The following PALLD variants were observed in gnomAD, a reference collection of about 807,000 sequenced individuals.
PALLD encodes palladin, cytoskeletal associated protein.
PALLD carries 61 observed loss-of-function variants against 123.5 expected under a neutral mutation model. That is an observed-to-expected ratio of 0.49 (90% CI 0.40 to 0.61). PALLD has a LOEUF of 0.61. PALLD is among the 20% of genes least tolerant of loss of function. The probability of loss-of-function intolerance (pLI) is 0.00; values close to 1 mark genes in which losing one functional copy is unlikely to be tolerated. For synonymous variants in PALLD, 465 were observed against 496.4 expected (o/e 0.94, Z 0.84); for missense variants, 1,273 against 1,377.0 (o/e 0.92, Z 1.20).
At chr4:168,600,919 A>G (rs1395181010) in intron 2 of PALLD, among the ~76,000 whole-genome samples, 1 of 152,170 alleles carries the variant, frequency 6.6e-6, no homozygotes, top group Non-Finnish European at 1.5e-5. Context: ...GACGGCTGTG[A>G]TATCTATGGT....
intron 10 of PALLD, among the ~76,000 whole-genome samples, chr4:168,752,486 A>G (rs1185233172): frequency 6.6e-6 from 1 of 152,248 alleles, no homozygotes; most frequent in East Asian, 1.9e-4. Context: ...TTGCTTTTCC[A>G]TAGAATAGAG....
At chr4:168,887,338 T>G (rs1290886825) in intron 10 of PALLD, among the ~76,000 whole-genome samples, 1 of 152,132 alleles carries the variant, frequency 6.6e-6, no homozygotes, top group Non-Finnish European at 1.5e-5. Flanking sequence ...TATTCTACAG[T>G]GAATAGACAG....
At chr4:168,910,447 T>C (rs193006520) in intron 15 of PALLD, among the ~76,000 whole-genome samples, 32 of 152,260 alleles carry the variant, frequency 2.1e-4, no homozygotes, top group Admixed American at 9.8e-4. Flanking sequence ...CAAAGGTATT[T>C]TGTTTTTCCT....
intron 10 of PALLD, among the ~76,000 whole-genome samples, chr4:168,836,583 A>G (rs1197831821): frequency 2.0e-5 from 3 of 152,236 alleles, no homozygotes; most frequent in Non-Finnish European, 2.9e-5. Flanking sequence ...GTTCTCACAA[A>G]ATTGTGTGAG....
At chr4:168,642,120 A>T (rs1247928657) in intron 2 of PALLD, among the ~76,000 whole-genome samples, 5 of 152,312 alleles carry the variant, frequency 3.3e-5, no homozygotes, top group Non-Finnish European at 1.5e-5. Flanking sequence ...TCCTTGGATT[A>T]CAAACATAGC....
Position 168,502,872 on chromosome 4 carries a change from C to T in PALLD, c.-83+5678C>T, listed in dbSNP as rs532867512. Among the ~76,000 whole-genome samples, 23 of 152,256 alleles carry T rather than the reference C, an allele frequency of 1.5e-4. No homozygotes were observed. In the South Asian group the frequency reaches 4.4e-3, roughly 29 times the overall value. ...TGAGCTATGATCATGCCATTGCAGT[C>T]CAGGCCGGGAGACAGAATGAGACCC... On this transcript the variant is annotated intron_variant, in intron 1 of 21. Coordinates refer to ENST00000505667, the MANE Select transcript of PALLD (RefSeq NM_001166108.2).
intron 15 of PALLD, among the ~76,000 whole-genome samples, chr4:168,913,136 CTTTT>C (rs33986728): frequency 1.2e-4 from 14 of 119,004 alleles, no homozygotes; most frequent in Non-Finnish European, 2.2e-4. Context: ...ATGCCACTAA[CTTTT>C]TTTTTTTTTT....
At chr4:168,821,366 A>T (rs1259939631) in intron 10 of PALLD, among the ~76,000 whole-genome samples, 1 of 152,148 alleles carries the variant, frequency 6.6e-6, no homozygotes, top group African/African-American at 2.4e-5. Flanking sequence ...TTTGTTCTCT[A>T]CTTATTTCAT....
At chr4:168,909,947 G>A (rs138120149) in intron 15 of PALLD, among the ~76,000 whole-genome samples, 4 of 152,196 alleles carry the variant, frequency 2.6e-5, no homozygotes, top group African/African-American at 9.6e-5. Context: ...TTATGTATTG[G>A]TTAGTAATAT....
chr4:168,605,583 G>A (rs574634586), intron 2 of PALLD, among the ~76,000 whole-genome samples: 1 of 152,306 alleles, frequency 6.6e-6, no homozygotes, highest in Non-Finnish European at 1.5e-5. Flanking sequence ...TGGTCAGCAG[G>A]ATCCAGGGAA....
At chr4:168,625,151 T>C (rs1478052974) in intron 2 of PALLD, among the ~76,000 whole-genome samples, 3 of 151,896 alleles carry the variant, frequency 2.0e-5, no homozygotes, top group African/African-American at 7.3e-5. Context: ...ATATTAGATA[T>C]TAAGAAAATA....
intron 10 of PALLD, among the ~76,000 whole-genome samples, chr4:168,876,363 G>A (rs1021620583): frequency 3.9e-5 from 6 of 152,226 alleles, no homozygotes; most frequent in African/African-American, 1.2e-4. Flanking sequence ...GGGCAGTGGT[G>A]AATCCCAGCA....
At chr4:168,831,807 C>T (rs1744246377) in intron 10 of PALLD, among the ~76,000 whole-genome samples, 1 of 152,242 alleles carries the variant, frequency 6.6e-6, no homozygotes. Context: ...AATTCTTTCC[C>T]GTTATTAGCA....
At chr4:168,817,388 A>G (rs1489704358) in intron 10 of PALLD, among the ~76,000 whole-genome samples, 1 of 152,220 alleles carries the variant, frequency 6.6e-6, no homozygotes, top group Non-Finnish European at 1.5e-5. Context: ...ACATGTCCTG[A>G]ACACTGAATT....
intron 2 of PALLD, among the ~76,000 whole-genome samples, chr4:168,541,568 AG>A (rs1765620753): frequency 6.6e-6 from 1 of 152,052 alleles, no homozygotes; most frequent in African/African-American, 2.4e-5. Flanking sequence ...CTCCTGCCTC[AG>A]CCTCCTGAGT....
intron 10 of PALLD, among the ~76,000 whole-genome samples, chr4:168,871,253 T>C (rs571931924): frequency 3.3e-5 from 5 of 152,290 alleles, no homozygotes; most frequent in Admixed American, 2.6e-4. Flanking sequence ...AAATGAAAAG[T>C]TGGGGAAACA....
chr4:168,667,624 T>C (rs1779779864), intron 2 of PALLD, among the ~76,000 whole-genome samples: 1 of 152,130 alleles, frequency 6.6e-6, no homozygotes, highest in Non-Finnish European at 1.5e-5. Flanking sequence ...CTGCTATATC[T>C]CTCCACATCT....
chr4:168,615,764 A>G (rs942810633), intron 2 of PALLD, among the ~76,000 whole-genome samples: 1 of 152,132 alleles, frequency 6.6e-6, no homozygotes, highest in Non-Finnish European at 1.5e-5. Context: ...CAAAGCAATG[A>G]AGGGTAACCA....
intron 2 of PALLD, among the ~76,000 whole-genome samples, chr4:168,653,977 G>A (rs774862417): frequency 1.3e-5 from 2 of 150,620 alleles, no homozygotes; most frequent in African/African-American, 4.9e-5. Flanking sequence ...TGAGATTACA[G>A]GCATGAGATC....
Sources: allele counts gnomAD v4.1 joint callset (sites outside exome capture counted in the v4.1 genomes callset), GRCh38; gene constraint gnomAD v4.1.1; transcripts MANE v1.5; gene names NCBI Gene and HGNC (gene_info 2026-07-23, HGNC 2026-07-21).